ORC5: variants seen among roughly 807,000 people sequenced by gnomAD.
ORC5 encodes the protein protein phosphatase 1, regulatory subunit 117.
In ORC5, 39 loss-of-function variants were observed where a neutral mutation model predicts 58.8. The ratio of observed to expected loss-of-function variants is 0.66; its 90% confidence interval spans 0.51 to 0.87. The LOEUF (loss-of-function observed/expected upper bound fraction) is 0.87, where lower values mean the gene tolerates loss of function less well. Among genes scored for constraint, ORC5 ranks in the 40% least tolerant of loss-of-function variants. The pLI, the probability that ORC5 is intolerant of heterozygous loss-of-function variation, is 0.00. For missense variants in ORC5, 493 were observed against 506.3 expected (o/e 0.97, Z 0.25); for synonymous variants, 218 against 177.6 (o/e 1.23, Z -1.81).
chr7:104,130,094 C>A (rs1798490859), intron 13 of ORC5, among the ~76,000 whole-genome samples: 1 of 151,380 alleles, frequency 6.6e-6, no homozygotes. Context: ...TGCAACCATA[C>A]AACTTTAAGT....
chr7:104,137,747 G>A (rs1247931165), intron 12 of ORC5, among the ~76,000 whole-genome samples: 3 of 152,050 alleles, frequency 2.0e-5, no homozygotes, highest in Non-Finnish European at 4.4e-5. Flanking sequence ...GACTTCAGGG[G>A]AAAACCACCT....
At chr7:104,151,946 G>C (rs1798853544) in intron 12 of ORC5, among the ~76,000 whole-genome samples, 1 of 152,112 alleles carries the variant, frequency 6.6e-6, no homozygotes, top group Non-Finnish European at 1.5e-5. Context: ...GGCTACCTGG[G>C]CCTAAGAACC....
chr7:104,175,389 T>TAC (rs1176228344), intron 8 of ORC5, among the ~76,000 whole-genome samples: 1 of 152,182 alleles, frequency 6.6e-6, no homozygotes, highest in Non-Finnish European at 1.5e-5. Flanking sequence ...GGTATTGAGA[T>TAC]AAACTTGCTG....
At chr7:104,198,251 A>T (rs2116071649) in intron 3 of ORC5, among the ~76,000 whole-genome samples, 1 of 152,376 alleles carries the variant, frequency 6.6e-6, no homozygotes, top group South Asian at 2.1e-4. Context: ...AGGTTGGAAC[A>T]GGATGGAGGG....
In ORC5 at chr7:104,207,922, C is replaced by T; in HGVS notation, c.-18G>A. On this transcript the variant is annotated 5_prime_UTR_variant, in exon 1 of 14. Transcript: ENST00000297431. Reference sequence around the variant, plus strand: ...TGGGGCATTCTGGCAGGCACCACCGCAGAGGCCAGTGCAGCCAGCCCACAG... The same window carrying T: ...TGGGGCATTCTGGCAGGCACCACCGTAGAGGCCAGTGCAGCCAGCCCACAG... 6.2e-7 allele frequency: 1 copy of T among 1,609,424 alleles called. No individual in the cohort carries two copies. Among genetic ancestry groups the T allele is most frequent in the Non-Finnish European group, 8.5e-7 (1 of 1,176,424 alleles).
intron 11 of ORC5, among the ~76,000 whole-genome samples, chr7:104,162,499 T>C (rs1799041340): frequency 6.6e-6 from 1 of 152,188 alleles, no homozygotes; most frequent in South Asian, 2.1e-4. Context: ...GCAAATAAAA[T>C]TGGAAACTGT....
At chr7:104,156,577 T>G (rs1424615345) in intron 12 of ORC5, among the ~76,000 whole-genome samples, 2 of 151,792 alleles carry the variant, frequency 1.3e-5, no homozygotes, top group African/African-American at 4.8e-5. Context: ...ATTCTGAATG[T>G]CTATATCATA....
At chr7:104,142,690 G>A (rs541140091) in intron 12 of ORC5, among the ~76,000 whole-genome samples, 5 of 152,134 alleles carry the variant, frequency 3.3e-5, no homozygotes, top group African/African-American at 4.8e-5. Flanking sequence ...CTAATAAAAC[G>A]AACAATGATG....
chr7:104,179,820 T>C lies in ORC5; in HGVS notation c.824+4123A>G, dbSNP rs527888171. Among the ~76,000 whole-genome samples, 120 of 152,320 alleles carry C rather than the reference T, an allele frequency of 7.9e-4. 1 individual carries two copies. The highest frequency in any genetic ancestry group is 2.8e-3 in the African/African-American group (116 of 41,580). ...AATGTTTGCTGCATCTTACTGCATG[T>C]CATACATCACTGCTTTCAACTCTTT... On this transcript the variant is annotated intron_variant, in intron 8 of 13. Transcript: ENST00000297431.
At chr7:104,173,074 C>T (rs7804535) in intron 8 of ORC5, among the ~76,000 whole-genome samples, 26,816 of 151,020 alleles carry the variant, frequency 0.18, 2,558 homozygotes, top group Non-Finnish European at 0.21. Context: ...GGGAGGGCCA[C>T]GAAGAAAGTG....
At chr7:104,176,241 TTCAA>T (rs1265928758) in intron 8 of ORC5, among the ~76,000 whole-genome samples, 3 of 152,216 alleles carry the variant, frequency 2.0e-5, no homozygotes, top group African/African-American at 7.2e-5. Flanking sequence ...TCAGATTGGC[TTCAA>T]TAATAATGAA....
intron 6 of ORC5, among the ~76,000 whole-genome samples, chr7:104,185,641 C>T (rs935286616): frequency 1.3e-5 from 2 of 152,118 alleles, no homozygotes; most frequent in African/African-American, 2.4e-5. Context: ...CTATGTTTAA[C>T]GATCTCTCTA....
chr7:104,153,887 T>C (rs913344179), intron 12 of ORC5, among the ~76,000 whole-genome samples: 1 of 152,144 alleles, frequency 6.6e-6, no homozygotes, highest in African/African-American at 2.4e-5. Flanking sequence ...ATTTCTAGTG[T>C]TATCTGACTA....
intron 8 of ORC5, among the ~76,000 whole-genome samples, chr7:104,174,279 C>A (rs1324144435): frequency 6.6e-6 from 1 of 152,106 alleles, no homozygotes; most frequent in Non-Finnish European, 1.5e-5. Flanking sequence ...AAATGGTGGG[C>A]ACAGCCTAGC....
Position 104,188,298 on chromosome 7 carries a change from C to T in ORC5, c.637G>A (p.Gly213Arg). Residue 213 changes from glycine to arginine, a missense_variant, in exon 6 of 14, where the codon GGA becomes AGA. Physicochemically the swap from Gly to Arg is moderately radical, Grantham distance 125 (BLOSUM62 -2). Coordinates refer to ENST00000297431, the MANE Select transcript of ORC5 (RefSeq NM_002553.4). The part of the protein sequence containing the change: ...FYAAYINILL[G>R]VFYTVCRDLK... ...TCTCGACAAACAGTGTAGAAAACTC[C>T]AAGAAGAATGTTAATGTAGGCAGCA... 2 of 1,612,528 alleles carry T rather than the reference C, an allele frequency of 1.2e-6. No homozygotes were observed. The highest frequency in any genetic ancestry group is 1.1e-5 in the South Asian group (1 of 91,022).
In ORC5 at chr7:104,200,811, A is replaced by C. The variant is rs765131152; in HGVS notation, c.313T>G (p.Leu105Val). ...TCAGCTGTGGTTACTTGTTTAAACA[A>C]GCGAACAAAGTCATTAAATGTTTCA... ...TCETFNDFVR[L>V]FKQVTTAENL... is the part of the protein sequence containing the mutation. The change falls in exon 3 of 14, where the codon TTG becomes GTG. Residue 105 changes from leucine to valine, a missense_variant. This residue lies in a region of ORC5 where 412 missense variants were observed against 403.7 expected (regional missense o/e 1.02). Coordinates refer to ENST00000297431, the MANE Select transcript of ORC5 (RefSeq NM_002553.4). The C allele has an allele frequency of 9.9e-6, 16 of 1,612,850 alleles. No homozygotes were observed. Among genetic ancestry groups the C allele is most frequent in the South Asian group, 9.9e-5 (9 of 90,992 alleles).
chr7:104,183,694 C>A (rs1298522181), intron 8 of ORC5, among the ~76,000 whole-genome samples: 1 of 152,204 alleles, frequency 6.6e-6, no homozygotes, highest in Non-Finnish European at 1.5e-5. Context: ...TGTAATTGAT[C>A]CTTGTAGCAA....
At chr7:104,189,159 T>C (rs1799616504) in intron 5 of ORC5, among the ~76,000 whole-genome samples, 1 of 152,010 alleles carries the variant, frequency 6.6e-6, no homozygotes, top group African/African-American at 2.4e-5. Context: ...CCCTGTATTG[T>C]CACATACACT....
chr7:104,206,979 T>C (rs1800102764), intron 1 of ORC5, among the ~76,000 whole-genome samples: 2 of 152,156 alleles, frequency 1.3e-5, no homozygotes, highest in African/African-American at 2.4e-5. Context: ...GGGATTAAAT[T>C]GCCTAACGAT....
Sources: gnomAD v4.1 joint callset for allele counts (sites outside exome capture counted in the v4.1 genomes callset) on GRCh38, gnomAD v4.1.1 for gene constraint, gnomAD v4.1.1 regional missense constraint, MANE v1.5 for transcripts, NCBI Gene and HGNC (gene_info 2026-07-23, HGNC 2026-07-21) for gene names.